Variants in RSPO2 observed in about 807,000 individuals in gnomAD.
RSPO2 encodes R-spondin-2.
A neutral mutation model predicts 30.9 loss-of-function variants in RSPO2; 14 were observed. The ratio of observed to expected loss-of-function variants is 0.45; its 90% CI spans 0.30 to 0.71. The LOEUF (loss-of-function observed/expected upper bound fraction) is 0.71. Ranked by LOEUF, RSPO2 falls within the 30% of genes least tolerant of loss-of-function variation. The pLI is 0.08. For missense variants in RSPO2, 264 were observed against 301.9 expected (o/e 0.87, Z 0.93); for synonymous variants, 107 against 96.4 (o/e 1.11, Z -0.64).
rs114749732 is a variant in RSPO2, at chr8:108,037,005, C to G, written c.94+45540G>C. 3.9e-3 allele frequency among the ~76,000 whole-genome samples: 592 copies of G among 152,240 alleles called. 2 individuals are homozygous for G. The highest frequency in any genetic ancestry group is 0.013 in the African/African-American group (557 of 41,558). ...CTCTCTCACTCTCTCCTCAGGCCTC[C>G]CTATGCCCTGTGGTACAACAATATT... On this transcript the variant is annotated intron_variant, in intron 2 of 5. Transcript: ENST00000276659.
chr8:108,021,471 G>A (rs13254043), intron 2 of RSPO2, among the ~76,000 whole-genome samples: 4,672 of 152,242 alleles, frequency 0.031, 104 homozygotes, highest in South Asian at 0.052. Flanking sequence ...TCAGTTTAAA[G>A]CATCAATGTA....
intron 2 of RSPO2, among the ~76,000 whole-genome samples, chr8:107,996,231 C>T (rs546684341): frequency 6.6e-6 from 1 of 152,098 alleles, no homozygotes; most frequent in Non-Finnish European, 1.5e-5. Flanking sequence ...AACTCTTGTT[C>T]ATTTTCAGGG....
At chr8:108,024,782 G>A (rs776434307) in intron 2 of RSPO2, among the ~76,000 whole-genome samples, 1 of 152,210 alleles carries the variant, frequency 6.6e-6, no homozygotes, top group Non-Finnish European at 1.5e-5. Context: ...CACTTTGGGA[G>A]GCCAAGGTGG....
rs565330976 is a variant in RSPO2, at chr8:107,978,200, G to A, written c.283+10856C>T. ...CCCAGCACTTTGGGAAGCCGAGGCGGGCAGATCACCCCAGGTCAGGAGTTT... is the reference window on the plus strand; with the variant it reads ...CCCAGCACTTTGGGAAGCCGAGGCGAGCAGATCACCCCAGGTCAGGAGTTT... On this transcript the variant is annotated intron_variant, in intron 3 of 5. Transcript: ENST00000276659. Among the ~76,000 whole-genome samples the A allele has an allele frequency of 1.9e-3, 294 of 152,260 alleles. 4 individuals are homozygous for A. In the Middle Eastern group the frequency reaches 0.054, roughly 28 times the overall value.
Position 107,901,124 on chromosome 8 carries a change from G to T in RSPO2, c.683C>A (p.Ala228Asp), listed in dbSNP as rs777423714. 1 of 1,614,068 alleles carries T rather than the reference G, an allele frequency of 6.2e-7. No homozygotes were observed. The highest frequency in any genetic ancestry group is 1.3e-5 in the African/African-American group (1 of 75,016). The change falls in exon 6 of 6, where the codon GCC (alanine) becomes GAC (aspartate). Residue 228 changes from alanine (A) to aspartate (D), a missense_variant. Coordinates refer to ENST00000276659, the MANE Select transcript of RSPO2 (RefSeq NM_178565.5). The part of the protein sequence containing the change: ...KKKKRKLIER[A>D]QEQHSVFLAT... Reference sequence around the variant, plus strand: ...TAGGAAGACGCTGTGTTGCTCCTGGGCCCTTTCTATCAGCTTCCTTTTCTT... The same window carrying T: ...TAGGAAGACGCTGTGTTGCTCCTGGTCCCTTTCTATCAGCTTCCTTTTCTT...
intron 2 of RSPO2, among the ~76,000 whole-genome samples, chr8:108,004,902 T>A (rs975249030): frequency 6.6e-6 from 1 of 152,216 alleles, no homozygotes; most frequent in Non-Finnish European, 1.5e-5. Context: ...CCTCACTCTA[T>A]AATTATGCCA....
intron 3 of RSPO2, among the ~76,000 whole-genome samples, chr8:107,981,707 T>G (rs1457365063): frequency 1.3e-5 from 2 of 152,052 alleles, no homozygotes; most frequent in Admixed American, 1.3e-4. Flanking sequence ...GTCATTTCAT[T>G]TGAAAAGCAA....
At chr8:107,940,153 C>T (rs950297585) in intron 5 of RSPO2, among the ~76,000 whole-genome samples, 3 of 152,120 alleles carry the variant, frequency 2.0e-5, no homozygotes, top group African/African-American at 7.2e-5. Context: ...TGGATTTCCT[C>T]TCAAACTAGT....
At chr8:107,983,521 A>G in intron 3 of RSPO2, 2 of 1,600,780 alleles carry the variant, frequency 1.2e-6, no homozygotes, top group Non-Finnish European at 1.7e-6. Flanking sequence ...GATCTTTGAC[A>G]GGGATCCAGA....
intron 2 of RSPO2, among the ~76,000 whole-genome samples, chr8:108,047,383 CTATCTTGTGA>C (rs1243646955): frequency 6.6e-6 from 1 of 152,158 alleles, no homozygotes; most frequent in African/African-American, 2.4e-5. Flanking sequence ...GAAAGAAGTG[CTATCTTGTGA>C]TAATGATGAA....
intron 5 of RSPO2, among the ~76,000 whole-genome samples, chr8:107,928,461 A>G (rs933023765): frequency 6.6e-6 from 1 of 152,148 alleles, no homozygotes; most frequent in Non-Finnish European, 1.5e-5. Flanking sequence ...CTTCTCCAAC[A>G]CTGTGCTTCT....
At chr8:108,040,372 T>C (rs1811716700) in intron 2 of RSPO2, among the ~76,000 whole-genome samples, 1 of 151,264 alleles carries the variant, frequency 6.6e-6, no homozygotes, top group African/African-American at 2.4e-5. Context: ...GACTTCAAAA[T>C]CAGAAGGGAG....
chr8:107,998,051 C>T (rs1815091119), intron 2 of RSPO2, among the ~76,000 whole-genome samples: 1 of 152,174 alleles, frequency 6.6e-6, no homozygotes, highest in Non-Finnish European at 1.5e-5. Context: ...GCATCTTAGC[C>T]TCACTCTGTA....
chr8:107,945,172 A>G (rs954041677), intron 5 of RSPO2, among the ~76,000 whole-genome samples: 9 of 151,254 alleles, frequency 6.0e-5, no homozygotes, highest in African/African-American at 2.2e-4. Flanking sequence ...GGAATGGCCA[A>G]TCTATGAGAT....
chr8:107,996,097 T>A (rs1815012907), intron 2 of RSPO2, among the ~76,000 whole-genome samples: 1 of 152,042 alleles, frequency 6.6e-6, no homozygotes, highest in South Asian at 2.1e-4. Context: ...AACTTCTCTG[T>A]GCCAGAAAGG....
intron 2 of RSPO2, among the ~76,000 whole-genome samples, chr8:108,027,404 G>A (rs1811258358): frequency 6.6e-6 from 1 of 152,230 alleles, no homozygotes; most frequent in African/African-American, 2.4e-5. Context: ...TACCCAGTGG[G>A]CTTTTCCAAA....
At chr8:107,923,466 G>A (rs536285571) in intron 5 of RSPO2, among the ~76,000 whole-genome samples, 13 of 152,306 alleles carry the variant, frequency 8.5e-5, no homozygotes, top group Non-Finnish European at 1.6e-4. Flanking sequence ...TACACTGTTG[G>A]TGGGAGTATA....
chr8:108,005,420 T>C (rs1453460130), intron 2 of RSPO2, among the ~76,000 whole-genome samples: 1 of 152,200 alleles, frequency 6.6e-6, no homozygotes, highest in Non-Finnish European at 1.5e-5. Context: ...CTAAATAAAC[T>C]ATTACTGTCA....
At chr8:108,016,643 C>T (rs116821271) in intron 2 of RSPO2, among the ~76,000 whole-genome samples, 117 of 152,274 alleles carry the variant, frequency 7.7e-4, no homozygotes, top group African/African-American at 2.6e-3. Context: ...GGATAATCTT[C>T]GCAAGGTTGA....
Sources: gnomAD v4.1 joint callset for allele counts (sites outside exome capture counted in the v4.1 genomes callset) on GRCh38, gnomAD v4.1.1 for gene constraint, MANE v1.5 for transcripts, NCBI Gene and HGNC (gene_info 2026-07-23, HGNC 2026-07-21) for gene names.